SERBP1: variants seen among roughly 807,000 people sequenced by gnomAD.
SERBP1 encodes the protein SERPINE1 mRNA-binding protein 1.
Under a neutral mutation model 50.2 loss-of-function variants are expected in SERBP1, and 6 were observed. The observed-to-expected ratio is 0.12, with a 90% CI of 0.07 to 0.24. The LOEUF (loss-of-function observed/expected upper bound fraction) is 0.24, where lower values mean the gene tolerates loss of function less well. Ranked by LOEUF, SERBP1 falls within the 10% of genes least tolerant of loss-of-function variation. The probability of loss-of-function intolerance (pLI) is 1.00; values close to 1 mark genes in which losing one functional copy is unlikely to be tolerated. For missense variants in SERBP1, 346 were observed against 524.9 expected, an observed-to-expected ratio of 0.66 and a Z score of 3.33; for synonymous variants, 168 against 182.8, an observed-to-expected ratio of 0.92 and a Z score of 0.65.
At chr1:67,415,128 C>A in intron 7 of SERBP1, 38 bp downstream of exon 7, 1 of 1,532,784 alleles carries the variant, frequency 6.5e-7, no homozygotes, top group South Asian at 1.3e-5. Context: ...ATAAGAGGTC[C>A]TTAAATTATG....
chr1:67,417,637 C>CA (rs908708008), intron 6 of SERBP1, among the ~76,000 whole-genome samples: 3 of 151,860 alleles, frequency 2.0e-5, no homozygotes, highest in Non-Finnish European at 4.4e-5. Flanking sequence ...CTCAGCCTCC[C>CA]AGGTAACTGA....
At chr1:67,428,429 C>T (rs1203822110) in intron 1 of SERBP1, among the ~76,000 whole-genome samples, 1 of 152,344 alleles carries the variant, frequency 6.6e-6, no homozygotes, top group South Asian at 2.1e-4. Flanking sequence ...TGAGTGAACA[C>T]ATCTACCTGG....
chr1:67,427,024 T>TATGTTTGTACAC (rs1553134971), intron 1 of SERBP1, among the ~76,000 whole-genome samples: 2 of 152,224 alleles, frequency 1.3e-5, no homozygotes, highest in African/African-American at 4.8e-5. Flanking sequence ...TAAGTGTATA[T>TATGTTTGTACAC]ATGTTTGTAC....
chr1:67,427,564 G>A (rs1210997728), intron 1 of SERBP1, among the ~76,000 whole-genome samples: 2 of 152,124 alleles, frequency 1.3e-5, no homozygotes, highest in Non-Finnish European at 2.9e-5. Flanking sequence ...TTCATTCCCT[G>A]TAAATACTCA....
intron 5 of SERBP1, among the ~76,000 whole-genome samples, chr1:67,422,186 A>G (rs1667219998): frequency 6.6e-6 from 1 of 152,162 alleles, no homozygotes; most frequent in South Asian, 2.1e-4. Flanking sequence ...CCCATCATTA[A>G]CAGTGCTCAC....
chr1:67,423,443 C>T (rs1284163802), intron 5 of SERBP1, among the ~76,000 whole-genome samples: 2 of 151,578 alleles, frequency 1.3e-5, no homozygotes, highest in African/African-American at 4.9e-5. Flanking sequence ...CCTGTCTCTA[C>T]TAAAAATACA....
chr1:67,424,051 T>C, intron 5 of SERBP1, 149 bp downstream of exon 5: 1 of 713,154 alleles, frequency 1.4e-6, no homozygotes, highest in Non-Finnish European at 2.1e-6. Flanking sequence ...TTCTTTCAAA[T>C]ACTCTTTGAG....
rs143627565 is a variant in SERBP1 at position 67,419,334 on chromosome 1, G to C, written c.951+675C>G. Among the ~76,000 whole-genome samples the C allele has an allele frequency of 5.0e-3, 762 of 152,314 alleles. 19 individuals are homozygous for C. The highest frequency in any genetic ancestry group is 0.037 in the Admixed American group (561 of 15,302). On this transcript the variant is annotated intron_variant, in intron 6 of 7. Transcript: ENST00000361219. ...TTATCACTAAGACTTTCAGTCAACA[G>C]GTTATTAGTAGTTAAGTTTTGGGAG...
chr1:67,429,813 C>A (rs1343869984), intron 1 of SERBP1, among the ~76,000 whole-genome samples, 175 bp downstream of exon 1: 3 of 152,154 alleles, frequency 2.0e-5, no homozygotes, highest in East Asian at 1.9e-4. Flanking sequence ...GAACTTGGGG[C>A]TACCACGCTC....
intron 1 of SERBP1, among the ~76,000 whole-genome samples, chr1:67,426,764 T>C (rs1453090717): frequency 1.3e-5 from 2 of 152,064 alleles, no homozygotes; most frequent in East Asian, 1.9e-4. Context: ...TCACTAGATA[T>C]GGCCCCTCAC....
At chr1:67,429,882 C>T in intron 1 of SERBP1, 106 bp downstream of exon 1, 6 of 1,255,686 alleles carry the variant, frequency 4.8e-6, no homozygotes, top group Non-Finnish European at 5.5e-6. Context: ...ATATAGGCGG[C>T]AAAGTCTCCC....
intron 7 of SERBP1, among the ~76,000 whole-genome samples, chr1:67,414,262 A>C (rs1186193527): frequency 6.6e-6 from 1 of 152,220 alleles, no homozygotes; most frequent in Non-Finnish European, 1.5e-5. Context: ...ATCAAGGTTG[A>C]AAGTCTGAAA....
At chr1:67,428,868 C>A (rs566376837) in intron 1 of SERBP1, among the ~76,000 whole-genome samples, 1 of 152,188 alleles carries the variant, frequency 6.6e-6, no homozygotes, top group East Asian at 1.9e-4. Flanking sequence ...AAGCACGTGG[C>A]AGGAAGGGGT....
chr1:67,415,674 T>G (rs1405630546), intron 6 of SERBP1, among the ~76,000 whole-genome samples: 3 of 152,176 alleles, frequency 2.0e-5, no homozygotes, highest in Admixed American at 2.0e-4. Context: ...CAAGTACATT[T>G]TAAATATGCC....
In SERBP1 at chr1:67,424,261, T is replaced by G. The variant is rs767621445; in HGVS notation, c.712A>C (p.Asn238His). 3 of 1,611,740 alleles carry G rather than the reference T, an allele frequency of 1.9e-6. No individual in the cohort carries two copies. Among genetic ancestry groups the G allele is most frequent in the Non-Finnish European group, 8.5e-7 (1 of 1,178,370 alleles). Residue 238 changes from asparagine (N) to histidine (H), a missense_variant, in exon 5 of 8, where the codon AAT (asparagine) becomes CAT (histidine). Coordinates refer to ENST00000361219, the MANE Select transcript of SERBP1 (RefSeq NM_001018069.2). The part of the protein sequence containing the change: ...KDELTDLDQS[N>H]VTEETPEGEE... The stretch of plus-strand genomic sequence containing the variant: ...CCTTCAGGTGTTTCCTCAGTCACAT[T>G]TGATTGATCCAAGTCACTGTAATTA...
intron 1 of SERBP1, among the ~76,000 whole-genome samples, chr1:67,426,591 T>C (rs1260659938): frequency 6.6e-6 from 1 of 152,236 alleles, no homozygotes; most frequent in East Asian, 1.9e-4. Context: ...ATAACTGACT[T>C]GGAAATCATT....
In SERBP1 at chr1:67,410,742, T is replaced by C. The variant is rs6661414; in HGVS notation, c.*2465A>G. 1 of 152,184 alleles carries C rather than the reference T, an allele frequency of 6.6e-6. No individual in the cohort carries two copies. The highest frequency in any genetic ancestry group is 2.4e-5 in the African/African-American group (1 of 41,452). 9.4% of individuals were successfully genotyped at this position (152,184 alleles called of 1,614,324 possible). A position where few individuals can be genotyped will look rare whatever the true frequency, so the allele number is the denominator to read the frequency against. ...TTATAGCCAGTTTGTCAATCAAAAG[T>C]AGCATTCAGTATGCTTAACTTTCAT... On this transcript the variant is annotated 3_prime_UTR_variant, in exon 8 of 8. Transcript: ENST00000361219.
In SERBP1 at chr1:67,409,416, CACA is replaced by C. The variant is rs1666753105; in HGVS notation, c.*3788_*3790del. The C allele has an allele frequency of 8.0e-6, 1 of 124,796 alleles. No individual in the cohort carries two copies. The highest frequency in any genetic ancestry group is 3.9e-5 in the African/African-American group (1 of 25,802). The allele number at this position is 124,796 out of a possible 1,614,324, so 7.7% of individuals were successfully genotyped here. On this transcript the variant is annotated 3_prime_UTR_variant, in exon 8 of 8. Transcript: ENST00000361219. ...ACACACACACACACACACACACACA[CACA>C]CCCCCACACACACCAGGTCACAGGC...
chr1:67,416,315 A>C (rs1667009878), intron 6 of SERBP1, among the ~76,000 whole-genome samples: 1 of 152,204 alleles, frequency 6.6e-6, no homozygotes, highest in Admixed American at 6.5e-5. Flanking sequence ...GCCCAGCTAG[A>C]AACTTCTTAA....
Sources: allele counts gnomAD v4.1 joint callset (sites outside exome capture counted in the v4.1 genomes callset), GRCh38; gene constraint gnomAD v4.1.1; transcripts MANE v1.5; gene names NCBI Gene and HGNC (gene_info 2026-07-23, HGNC 2026-07-21).